RAB6A: variants seen among roughly 807,000 people sequenced by gnomAD.
RAB6A encodes RAB6A, member RAS oncogene family, also known as ras-related protein Rab-6A.
Under a neutral mutation model 32.3 loss-of-function variants are expected in RAB6A, and 8 were observed. The ratio of observed to expected loss-of-function variants is 0.25; its 90% CI spans 0.15 to 0.45. The LOEUF (loss-of-function observed/expected upper bound fraction) is 0.45. RAB6A is among the 20% of genes least tolerant of loss of function. RAB6A has a pLI of 1.00. For synonymous variants in RAB6A, 73 were observed against 82.1 expected (o/e 0.89, Z 0.60); for missense variants, 104 against 249.4 (o/e 0.42, Z 3.93).
intron 1 of RAB6A, among the ~76,000 whole-genome samples, chr11:73,750,673 T>C (rs1288749926): frequency 6.6e-6 from 1 of 152,134 alleles, no homozygotes; most frequent in Non-Finnish European, 1.5e-5. Flanking sequence ...TCCTTCCTTT[T>C]TAAGGCTAAT....
intron 3 of RAB6A, among the ~76,000 whole-genome samples, chr11:73,720,502 A>C (rs545422686): frequency 1.3e-5 from 2 of 152,056 alleles, no homozygotes; most frequent in Non-Finnish European, 2.9e-5. Context: ...CTTTTTTGTC[A>C]GTCACTTTGA....
At chr11:73,707,277 T>C (rs749594797) in intron 6 of RAB6A, 143 bp downstream of exon 6, 19 of 583,138 alleles carry the variant, frequency 3.3e-5, no homozygotes, top group Non-Finnish European at 5.3e-5. Flanking sequence ...TATGCCACAT[T>C]TATATTTTTC....
At chr11:73,686,588 C>T (rs1418081016) in intron 6 of RAB6A, among the ~76,000 whole-genome samples, 7 of 152,108 alleles carry the variant, frequency 4.6e-5, no homozygotes, top group Non-Finnish European at 8.8e-5. Flanking sequence ...GGTTTATTAT[C>T]AGCTAGCTTG....
intron 3 of RAB6A, among the ~76,000 whole-genome samples, chr11:73,719,672 G>A (rs552943054): frequency 1.2e-3 from 181 of 151,248 alleles, no homozygotes; most frequent in South Asian, 3.8e-3. Context: ...CTGAAGTGCA[G>A]TGGTGTGATC....
At chr11:73,729,555 T>C (rs776080122) in intron 2 of RAB6A, 2 of 152,248 alleles carry the variant, frequency 1.3e-5, no homozygotes, top group Non-Finnish European at 2.9e-5. Flanking sequence ...TCCTCCATTG[T>C]TTTTCTGCTC....
intron 5 of RAB6A, among the ~76,000 whole-genome samples, chr11:73,708,690 A>T (rs898918248): frequency 1.3e-5 from 2 of 152,234 alleles, no homozygotes; most frequent in Non-Finnish European, 2.9e-5. Flanking sequence ...CCATAAATAT[A>T]CAAATGTTCT....
intron 3 of RAB6A, among the ~76,000 whole-genome samples, chr11:73,720,451 G>A (rs2134950860): frequency 6.6e-6 from 1 of 152,082 alleles, no homozygotes; most frequent in Admixed American, 6.6e-5. Context: ...CAAAGTGCTG[G>A]GATTACAGGT....
At chr11:73,725,217 A>G (rs1946197549) in intron 2 of RAB6A, among the ~76,000 whole-genome samples, 1 of 152,238 alleles carries the variant, frequency 6.6e-6, no homozygotes. Context: ...GAAGAGTGGT[A>G]AAAGTGGTAA....
chr11:73,686,158 A>C (rs1945453029), intron 6 of RAB6A, among the ~76,000 whole-genome samples: 1 of 152,194 alleles, frequency 6.6e-6, no homozygotes, highest in Non-Finnish European at 1.5e-5. Context: ...CTTACTTAGG[A>C]ATATCTAGAA....
intron 2 of RAB6A, among the ~76,000 whole-genome samples, chr11:73,721,717 T>C (rs1946135058): frequency 6.6e-6 from 1 of 152,228 alleles, no homozygotes; most frequent in East Asian, 1.9e-4. Context: ...AATGTTTGTG[T>C]GCACATATAC....
At chr11:73,748,799 C>A (rs1432987973) in intron 1 of RAB6A, among the ~76,000 whole-genome samples, 1 of 151,980 alleles carries the variant, frequency 6.6e-6, no homozygotes, top group East Asian at 1.9e-4. Flanking sequence ...CTCCTTCATC[C>A]CCCCAAAATT....
chr11:73,714,229 T>TATATATATATATACAC (rs79775489), intron 5 of RAB6A, among the ~76,000 whole-genome samples: 5 of 117,520 alleles, frequency 4.3e-5, no homozygotes, highest in African/African-American at 1.2e-4. Flanking sequence ...TATATATATA[T>TATATATATATATACAC]ACACACATAT....
intron 6 of RAB6A, among the ~76,000 whole-genome samples, chr11:73,704,802 C>T (rs1488253936): frequency 6.6e-6 from 1 of 151,784 alleles, no homozygotes; most frequent in Non-Finnish European, 1.5e-5. Flanking sequence ...CGAGACCATC[C>T]TGGTGAACAC....
At chr11:73,734,008 T>G (rs1471159641) in intron 1 of RAB6A, among the ~76,000 whole-genome samples, 1 of 152,092 alleles carries the variant, frequency 6.6e-6, no homozygotes, top group East Asian at 1.9e-4. Context: ...CAATAAAAAG[T>G]GTATATATGT....
At chr11:73,751,237 C>A (rs1008714163) in intron 1 of RAB6A, among the ~76,000 whole-genome samples, 1 of 152,090 alleles carries the variant, frequency 6.6e-6, no homozygotes, top group Non-Finnish European at 1.5e-5. Flanking sequence ...TATAATCATG[C>A]CTGTGAATGG....
At chr11:73,724,585 C>T (rs1946189115) in intron 2 of RAB6A, among the ~76,000 whole-genome samples, 1 of 147,962 alleles carries the variant, frequency 6.8e-6, no homozygotes, top group South Asian at 2.2e-4. Flanking sequence ...TCCCGGGGTT[C>T]ACGCCATTCT....
intron 6 of RAB6A, among the ~76,000 whole-genome samples, chr11:73,689,128 A>G (rs1945505417): frequency 6.6e-6 from 1 of 152,108 alleles, no homozygotes. Flanking sequence ...TCTCAAGAAA[A>G]AAAAAAAAAT....
intron 6 of RAB6A, among the ~76,000 whole-genome samples, chr11:73,686,325 G>A (rs1268573568): frequency 6.6e-6 from 1 of 152,186 alleles, no homozygotes; most frequent in Non-Finnish European, 1.5e-5. Flanking sequence ...GGAGGCAAAG[G>A]TGGGGGGATC....
chr11:73,712,540 G>T (rs376389501), intron 5 of RAB6A, among the ~76,000 whole-genome samples: 1 of 151,628 alleles, frequency 6.6e-6, no homozygotes, highest in African/African-American at 2.4e-5. Context: ...TAGTAGAGAC[G>T]AGGTTTCACT....
Sources: gnomAD v4.1 joint callset for allele counts (sites outside exome capture counted in the v4.1 genomes callset) on GRCh38, gnomAD v4.1.1 for gene constraint, MANE v1.5 for transcripts, NCBI Gene and HGNC (gene_info 2026-07-23, HGNC 2026-07-21) for gene names.